IL12RB1: variants seen among roughly 807,000 people sequenced by gnomAD.
The protein encoded by IL12RB1 is interleukin-12 receptor subunit beta-1.
In IL12RB1, 64 loss-of-function variants were observed where a neutral mutation model predicts 94.4. The observed-to-expected ratio is 0.68, with a 90% confidence interval of 0.55 to 0.83. The LOEUF (loss-of-function observed/expected upper bound fraction) is 0.83. Ranked by LOEUF, IL12RB1 falls within the 40% of genes least tolerant of loss-of-function variation. IL12RB1 has a pLI of 0.00. For synonymous variants in IL12RB1, 362 were observed against 355.5 expected (o/e 1.02, Z -0.21); for missense variants, 814 against 855.6 (o/e 0.95, Z 0.61).
rs181450793 is a variant in IL12RB1 at position 18,073,847 on chromosome 19, C to T, written c.701-248G>A. Among the ~76,000 whole-genome samples the T allele has an allele frequency of 3.4e-4, 51 of 152,182 alleles. 1 individual carries two copies. Among genetic ancestry groups the T allele is most frequent in the African/African-American group, 9.2e-4 (38 of 41,446 alleles). ...TTGTTTGTTCGTTTGCTTTTTGAGACGAAGTCTCACTCTATTACCTAGGCT... is the reference window on the plus strand; with the variant it reads ...TTGTTTGTTCGTTTGCTTTTTGAGATGAAGTCTCACTCTATTACCTAGGCT... On this transcript the variant is annotated intron_variant, in intron 7 of 16. Transcript: ENST00000593993.
At chr19:18,091,861 G>A (rs944172591), upstream of IL12RB1, among the ~76,000 whole-genome samples, 14 of 146,404 alleles carry the variant, frequency 9.6e-5, no homozygotes, top group Middle Eastern at 3.5e-3. Flanking sequence ...CATGATGCCT[G>A]GCTTTTCTTT....
intron 12 of IL12RB1, among the ~76,000 whole-genome samples, chr19:18,064,445 CT>C (rs2034421759): frequency 6.8e-6 from 1 of 147,462 alleles, no homozygotes; most frequent in Non-Finnish European, 1.5e-5. Context: ...AACCTAAAAT[CT>C]CTTCTCTTAA....
At chr19:18,081,341 C>T (rs1262250897) in intron 3 of IL12RB1, among the ~76,000 whole-genome samples, 1 of 151,520 alleles carries the variant, frequency 6.6e-6, no homozygotes, top group Non-Finnish European at 1.5e-5. Context: ...AGTGATCCGC[C>T]CACCTCAGCC....
rs761145805 is a variant in IL12RB1 at position 18,060,000 on chromosome 19, C to T, written c.1877G>A (p.Gly626Asp). ...CTTCTCGAGAGGCTCAGTCCTCTCG[C>T]CTTTGTCCCAGGACATCTCTACCAC... ...ALVVEMSWDK[G>D]ERTEPLEKTE... Residue 626 changes from glycine (G) to aspartate (D), a missense_variant, in exon 16 of 17, where the codon GGC (glycine) becomes GAC (aspartate). Coordinates refer to ENST00000593993, the MANE Select transcript of IL12RB1 (RefSeq NM_005535.3). The T allele has an allele frequency of 5.0e-6, 8 of 1,599,062 alleles. No individual in the cohort carries two copies. The African/African-American group carries it at 9.4e-5, about 19-fold the overall frequency.
chr19:18,068,644 C>T (rs1216980397), intron 10 of IL12RB1, 118 bp from the exon 11 acceptor site: 9 of 799,158 alleles, frequency 1.1e-5, no homozygotes, highest in Non-Finnish European at 1.9e-5. Flanking sequence ...TGTTTCAAAG[C>T]CCTTGCACCA....
At chr19:18,066,046 A>T (rs933826227) in intron 12 of IL12RB1, among the ~76,000 whole-genome samples, 44 of 112,638 alleles carry the variant, frequency 3.9e-4, no homozygotes, top group African/African-American at 2.8e-3. Context: ...TATAAAATTA[A>T]AAAAAAAAAA....
chr19:18,060,440 C>T (rs533673736), intron 15 of IL12RB1, among the ~76,000 whole-genome samples: 37 of 152,272 alleles, frequency 2.4e-4, no homozygotes, highest in Non-Finnish European at 5.0e-4. Flanking sequence ...GATGGCGCCA[C>T]TGCACTCCAG....
At chr19:18,071,832 T>G (rs1042577061) in intron 9 of IL12RB1, among the ~76,000 whole-genome samples, 3 of 152,060 alleles carry the variant, frequency 2.0e-5, no homozygotes, top group Non-Finnish European at 4.4e-5. Flanking sequence ...ACTCAGCTAA[T>G]TTTTGTATTT....
chr19:18,074,094 A>G (rs2035274543), intron 7 of IL12RB1, among the ~76,000 whole-genome samples: 1 of 152,196 alleles, frequency 6.6e-6, no homozygotes, highest in African/African-American at 2.4e-5. Context: ...AACTGCTGGA[A>G]TTATAGGCGT....
At chr19:18,083,637 C>T in intron 1 of IL12RB1, 146 bp from the exon 2 acceptor site, 2 of 733,434 alleles carry the variant, frequency 2.7e-6, no homozygotes. Flanking sequence ...CACCACCCAT[C>T]CATCCATCTG....
chr19:18,060,646 T>C (rs1322279824), intron 15 of IL12RB1, among the ~76,000 whole-genome samples: 1 of 152,110 alleles, frequency 6.6e-6, no homozygotes, highest in Non-Finnish European at 1.5e-5. Context: ...CATGTGACCC[T>C]GGCCAGCCCA....
chr19:18,062,170 G>A lies in IL12RB1; in HGVS notation c.1715+11C>T. 1 of 1,555,960 alleles carries A rather than the reference G, an allele frequency of 6.4e-7. No homozygotes were observed. Among genetic ancestry groups the A allele is most frequent in the Non-Finnish European group, 8.9e-7 (1 of 1,127,268 alleles). ...ACCATCGCTATGGTAACGGTAAGAG[G>A]TGTCAGTTACCTGTTCAGGCCAAGG... On this transcript the variant is annotated intron_variant, in intron 14 of 16. Transcript: ENST00000593993.
At chr19:18,082,044 T>C in intron 3 of IL12RB1, 106 bp downstream of exon 3, 2 of 733,040 alleles carry the variant, frequency 2.7e-6, no homozygotes, top group Non-Finnish European at 5.0e-6. Flanking sequence ...CAGGAAGGAG[T>C]GTTGACCCAG....
intron 9 of IL12RB1, chr19:18,071,320 T>C (rs1285632810): frequency 1.6e-5 from 12 of 767,710 alleles, no homozygotes; most frequent in Non-Finnish European, 2.3e-5. Context: ...TGCAGTGAGC[T>C]GAGATCATGC....
In IL12RB1 at chr19:18,072,278, C is replaced by T. The variant is rs779775655; in HGVS notation, c.855G>A (p.Gln285=). 4.3e-6 allele frequency: 7 copies of T among 1,614,116 alleles called. No individual in the cohort carries two copies. Among genetic ancestry groups the T allele is most frequent in the Non-Finnish European group, 5.9e-6 (7 of 1,180,004 alleles). The change falls in exon 9 of 17, where the codon CAG becomes CAA. Residue 285 remains glutamine (Q), a synonymous_variant. Coordinates refer to ENST00000593993, the MANE Select transcript of IL12RB1 (RefSeq NM_005535.3). ...TACACGGGCAGGACAGCATGTGGAG[C>T]TGTAGTCGGTAAGTGACCTCCGTGC... ...APGTEVTYRL[Q]LHMLSCPCKA...
chr19:18,076,752 G>A (rs382634), intron 5 of IL12RB1, among the ~76,000 whole-genome samples: 41,843 of 151,834 alleles, frequency 0.28, 6,090 homozygotes, highest in East Asian at 0.37. Flanking sequence ...TATTTCTATC[G>A]TTAATTACTA....
chr19:18,069,638 G>A lies in IL12RB1; in HGVS notation c.1097C>T (p.Thr366Met), dbSNP rs373994902. ...CACAGGCTGCCATTCAATGCAATAC[G>A]TCATGCTCTGAGCCCGGGCTGGCCA... Reference protein sequence around the residue: ...MYWPARAQSMTYCIEWQPVGQ... With the variant: ...MYWPARAQSMMYCIEWQPVGQ... Residue 366 changes from threonine (T) to methionine (M), a missense_variant, in exon 10 of 17, where the codon ACG becomes ATG. Coordinates refer to ENST00000593993, the MANE Select transcript of IL12RB1 (RefSeq NM_005535.3). 9.7e-5 allele frequency: 156 copies of A among 1,613,128 alleles called. No homozygotes were observed. Among genetic ancestry groups the A allele is most frequent in the South Asian group, 1.5e-4 (14 of 91,078 alleles).
upstream of IL12RB1, chr19:18,087,134 C>A: frequency 4.3e-6 from 2 of 468,980 alleles, no homozygotes; most frequent in South Asian, 4.3e-5. Context: ...ACTGAACACC[C>A]AGATGCCAGC....
Position 18,063,865 on chromosome 19 carries a change from C to G in IL12RB1, c.1618+11G>C, listed in dbSNP as rs574486067. The G allele has an allele frequency of 1.2e-5, 20 of 1,612,314 alleles. No individual in the cohort carries two copies. The highest frequency in any genetic ancestry group is 4.5e-5 in the East Asian group (2 of 44,834). ...CTGGGTAAATAACTGGGTCCTACCC[C>G]CTCCACTCACCGATGCTGAAGCGCT... On this transcript the variant is annotated intron_variant, in intron 13 of 16. Coordinates refer to ENST00000593993, the MANE Select transcript of IL12RB1 (RefSeq NM_005535.3).
Sources: allele counts gnomAD v4.1 joint callset (sites outside exome capture counted in the v4.1 genomes callset), GRCh38; gene constraint gnomAD v4.1.1; transcripts MANE v1.5; gene names NCBI Gene and HGNC (gene_info 2026-07-23, HGNC 2026-07-21).